CCDC159: variants seen among roughly 807,000 people sequenced by gnomAD.
CCDC159 encodes the protein coiled-coil domain-containing protein 159.
A neutral mutation model predicts 50.9 loss-of-function variants in CCDC159; 40 were observed. That is an observed-to-expected ratio of 0.79 (90% confidence interval 0.61 to 1.02). The LOEUF is 1.02. Among genes scored for constraint, CCDC159 ranks in the 50% least tolerant of loss-of-function variants. The probability of loss-of-function intolerance (pLI) is 0.00; values close to 1 mark genes in which losing one functional copy is unlikely to be tolerated. For missense variants in CCDC159, 356 were observed against 371.5 expected (o/e 0.96, Z 0.34); for synonymous variants, 146 against 138.9 (o/e 1.05, Z -0.36).
chr19:11,350,107 C>T lies in CCDC159; in HGVS notation c.145-11C>T, dbSNP rs936384329. The T allele has an allele frequency of 2.4e-5, 39 of 1,613,402 alleles. No homozygotes were observed. The highest frequency in any genetic ancestry group is 3.3e-5 in the Non-Finnish European group (39 of 1,179,702). On this transcript the variant is annotated splice_polypyrimidine_tract_variant and intron_variant, in intron 3 of 10. Transcript: ENST00000458408. ...CTTCCTCCCACCCCAAGGCTGACCT[C>T]TTTCCCCCAGGCTTTCGAGTTCCTG...
rs1967607258 is a variant in CCDC159, at chr19:11,351,920, G to A, written c.437G>A (p.Trp146Ter). The A allele has an allele frequency of 6.3e-7, 1 of 1,599,070 alleles. No individual in the cohort carries two copies. Among genetic ancestry groups the A allele is most frequent in the African/African-American group, 1.3e-5 (1 of 74,474 alleles). ...TGTCCCCTCAGCAAGAAGTTCCTGT[G>A]GGAGGAGCTGGAACTGGTGCGGGAG... ...QEIRDSKKFL[W>*]EELELVREEV... Residue 146 changes from tryptophan to a stop codon, truncating the protein, a stop_gained, in exon 6 of 11, where the codon TGG becomes TAG. Transcript: ENST00000458408. LOFTEE classifies it high-confidence loss of function.
intron 9 of CCDC159, 35 bp from the exon 10 acceptor site, chr19:11,354,545 G>T: frequency 6.5e-7 from 1 of 1,542,130 alleles, no homozygotes. Flanking sequence ...GGGGTTACTT[G>T]AGGGTCACAT....
chr19:11,348,015 G>A (rs978354866), intron 1 of CCDC159: 10 of 418,878 alleles, frequency 2.4e-5, no homozygotes, highest in African/African-American at 4.1e-5. Flanking sequence ...TGGCTTGGCC[G>A]TCAATGCCTT....
rs142854959 is a variant in CCDC159 at position 11,353,162 on chromosome 19, G to A, written c.568-289G>A. Among the ~76,000 whole-genome samples the A allele has an allele frequency of 3.2e-3, 490 of 151,972 alleles. 6 individuals are homozygous for A. Among genetic ancestry groups the A allele is most frequent in the African/African-American group, 0.012 (478 of 41,450 alleles). The stretch of plus-strand genomic sequence containing the variant: ...GTTGCCCAGGCTGGAGTGCAATGGC[G>A]CGATCTCAACTCACTGCAACCTCTG... On this transcript the variant is annotated intron_variant, in intron 7 of 10. Transcript: ENST00000458408.
At chr19:11,354,344 C>T (rs755380639) in intron 9 of CCDC159, among the ~76,000 whole-genome samples, 18 of 152,054 alleles carry the variant, frequency 1.2e-4, no homozygotes, top group Non-Finnish European at 2.2e-4. Context: ...GAGCCATAAT[C>T]GTGCCACTGC....
At chr19:11,349,459 T>C in intron 1 of CCDC159, 195 bp from the exon 2 acceptor site, 1 of 654,966 alleles carries the variant, frequency 1.5e-6, no homozygotes, top group Non-Finnish European at 2.6e-6. Flanking sequence ...GCCACATAAG[T>C]GCACTTCTGA....
chr19:11,353,007 C>T (rs1297891957), intron 7 of CCDC159, among the ~76,000 whole-genome samples: 2 of 152,138 alleles, frequency 1.3e-5, no homozygotes, highest in Admixed American at 1.3e-4. Flanking sequence ...GATCAGGTGT[C>T]TGTATTAGCT....
Position 11,349,710 on chromosome 19 carries a change from A to C in CCDC159, c.55+23A>C, listed in dbSNP as rs118143703. 7.7e-3 allele frequency: 12,020 copies of C among 1,560,576 alleles called. 57 individuals are homozygous for C. Among genetic ancestry groups the C allele is most frequent in the Non-Finnish European group, 9.6e-3 (10,847 of 1,133,268 alleles). ...AAGGTGAGAAATCTCCTTTCCAACA[A>C]AACTGTGTGGGGAAGACCTGCTGGT... On this transcript the variant is annotated intron_variant, in intron 2 of 10. Transcript: ENST00000458408.
intron 4 of CCDC159, 29 bp from the exon 5 acceptor site, chr19:11,350,779 G>A: frequency 2.6e-6 from 4 of 1,521,232 alleles, no homozygotes; most frequent in Non-Finnish European, 2.6e-6. Flanking sequence ...TGGGATCAGG[G>A]CTCAGTCAAG....
At chr19:11,348,179 G>A (rs1222112668) in intron 1 of CCDC159, 7 of 456,338 alleles carry the variant, frequency 1.5e-5, no homozygotes, top group African/African-American at 8.0e-5. Flanking sequence ...CCAATGTCAA[G>A]GTCCCTTTTT....
rs535780699 is a variant in CCDC159, at chr19:11,353,893, T to A, written c.772+19T>A. The A allele has an allele frequency of 6.5e-7, 1 of 1,543,496 alleles. No individual in the cohort carries two copies. Among genetic ancestry groups the A allele is most frequent in the Non-Finnish European group, 8.7e-7 (1 of 1,145,518 alleles). ...CTAAGAGGTGAGGGAGGCTGAGAAT[T>A]GCTCAGGGGTGGGAGGTCATTGTCT... On this transcript the variant is annotated intron_variant, in intron 9 of 10. Coordinates refer to ENST00000458408, the MANE Select transcript of CCDC159 (RefSeq NM_001080503.3).
At chr19:11,352,345 G>T in intron 7 of CCDC159, 1 of 574,220 alleles carries the variant, frequency 1.7e-6, no homozygotes. Flanking sequence ...GCTGGGCGCG[G>T]TGGCTCACGC....
intron 9 of CCDC159, 77 bp downstream of exon 9, chr19:11,353,951 A>G: frequency 8.3e-7 from 1 of 1,200,378 alleles, no homozygotes; most frequent in Non-Finnish European, 1.2e-6. Context: ...CAGAGAGCCT[A>G]TTTGGGAGTC....
Position 11,350,837 on chromosome 19 carries a change from G to A in CCDC159, c.256G>A (p.Glu86Lys). The stretch of plus-strand genomic sequence containing the variant: ...GCTGAGCCCCACAGGCCGCCAGGGA[G>A]AGAAGGAGGAGCACAAGTGGGGCAT... Reference protein sequence around the residue: ...EVLSPTGRQGEKEEHKWGMEQ... With the variant: ...EVLSPTGRQGKKEEHKWGMEQ... The change falls in exon 5 of 11, where the codon GAG (glutamate) becomes AAG (lysine). Residue 86 changes from glutamate (E) to lysine (K), a missense_variant. Transcript: ENST00000458408. 6.4e-7 allele frequency: 1 copy of A among 1,550,872 alleles called. No individual in the cohort carries two copies. The highest frequency in any genetic ancestry group is 8.7e-7 in the Non-Finnish European group (1 of 1,147,614).
chr19:11,349,755 C>A, intron 2 of CCDC159, 68 bp downstream of exon 2: 1 of 1,347,810 alleles, frequency 7.4e-7, no homozygotes, highest in Non-Finnish European at 1.1e-6. Flanking sequence ...TACCCTCTGC[C>A]CCAGCATCAG....
intron 5 of CCDC159, 66 bp from the exon 6 acceptor site, chr19:11,351,840 A>C: frequency 2.1e-6 from 3 of 1,440,580 alleles, no homozygotes; most frequent in Non-Finnish European, 2.9e-6. Context: ...GTGGAGGCAC[A>C]GATAGGGGCA....
At chr19:11,353,394 C>T (rs1007634453) in intron 7 of CCDC159, 57 bp from the exon 8 acceptor site, 9 of 1,517,660 alleles carry the variant, frequency 5.9e-6, no homozygotes, top group Non-Finnish European at 8.0e-6. Context: ...GCCACCGCGC[C>T]TGGCACTATT....
intron 1 of CCDC159, chr19:11,349,340 T>G (rs1967443829): frequency 2.0e-6 from 1 of 496,666 alleles, no homozygotes; most frequent in Non-Finnish European, 3.4e-6. Flanking sequence ...CACCTGGCAC[T>G]CAGCAGGCCC....
At chr19:11,346,707 C>A in intron 1 of CCDC159, 80 bp downstream of exon 1, 1 of 1,456,378 alleles carries the variant, frequency 6.9e-7, no homozygotes, top group Non-Finnish European at 9.4e-7. Flanking sequence ...GATGACCCCG[C>A]CCCCTCCCTA....
Sources: allele counts gnomAD v4.1 joint callset (sites outside exome capture counted in the v4.1 genomes callset), GRCh38; gene constraint gnomAD v4.1.1; transcripts MANE v1.5; gene names NCBI Gene and HGNC (gene_info 2026-07-23, HGNC 2026-07-21).